ERP44: variants seen among roughly 807,000 people sequenced by gnomAD.
ERP44 encodes endoplasmic reticulum resident protein 44.
A neutral mutation model predicts 53.4 loss-of-function variants in ERP44; 25 were observed. The ratio of observed to expected loss-of-function variants is 0.47; its 90% CI spans 0.34 to 0.65. The LOEUF (loss-of-function observed/expected upper bound fraction) is 0.65, where lower values mean the gene tolerates loss of function less well. ERP44 is among the 30% of genes least tolerant of loss of function. The pLI is 0.01. For synonymous variants in ERP44, 145 were observed against 161.2 expected (o/e 0.90, Z 0.76); for missense variants, 338 against 493.2 (o/e 0.69, Z 2.98).
chr9:100,089,690 G>A (rs767379374), intron 1 of ERP44, among the ~76,000 whole-genome samples: 2 of 151,428 alleles, frequency 1.3e-5, no homozygotes, highest in Non-Finnish European at 2.9e-5. Context: ...TAAATCATAC[G>A]CTGAGGTGGC....
chr9:100,078,906 G>A (rs1054206296), intron 1 of ERP44, among the ~76,000 whole-genome samples: 9 of 152,176 alleles, frequency 5.9e-5, no homozygotes, highest in African/African-American at 2.2e-4. Flanking sequence ...CAGGTTGTGC[G>A]AAGGATAGTT....
At chr9:100,064,707 T>G (rs979673884) in intron 1 of ERP44, among the ~76,000 whole-genome samples, 1 of 152,212 alleles carries the variant, frequency 6.6e-6, no homozygotes, top group Non-Finnish European at 1.5e-5. Context: ...AGTGGTCCCA[T>G]AAGATTATAA....
At chr9:100,060,209 C>A (rs773966115) in intron 1 of ERP44, 37 bp from the exon 2 acceptor site, 1 of 1,415,014 alleles carries the variant, frequency 7.1e-7, no homozygotes, top group Non-Finnish European at 9.2e-7. Flanking sequence ...ATAAATGTGT[C>A]CACAAAAGAC....
intron 7 of ERP44, among the ~76,000 whole-genome samples, chr9:100,017,056 T>C (rs894443319): frequency 2.6e-5 from 4 of 152,214 alleles, no homozygotes; most frequent in African/African-American, 9.6e-5. Flanking sequence ...CCTTGAAACA[T>C]ACAAGATGCT....
intron 3 of ERP44, 88 bp downstream of exon 3, chr9:100,057,732 A>C (rs1826100004): frequency 1.1e-6 from 1 of 946,002 alleles, no homozygotes; most frequent in Non-Finnish European, 1.7e-6. Flanking sequence ...TTGAAATAGA[A>C]AAAGCCTTCC....
Position 99,980,013 on chromosome 9 carries a change from C to T in ERP44, c.*2599G>A, listed in dbSNP as rs1830131900. On this transcript the variant is annotated 3_prime_UTR_variant, in exon 12 of 12. Transcript: ENST00000262455. ...AACCCCAAATGCCTTACTAAAAGAA[C>T]TTTTTTCTCTAATGCATTAGGCTGT... 1 of 398,542 alleles carries T rather than the reference C, an allele frequency of 2.5e-6. No homozygotes were observed. Among genetic ancestry groups the T allele is most frequent in the African/African-American group, 2.1e-5 (1 of 48,748 alleles). 24.7% of individuals were successfully genotyped at this position (398,542 alleles called of 1,614,324 possible). A position where few individuals can be genotyped will look rare whatever the true frequency, so the allele number is the denominator to read the frequency against.
intron 1 of ERP44, among the ~76,000 whole-genome samples, chr9:100,083,793 T>C (rs531453285): frequency 6.6e-6 from 1 of 152,298 alleles, no homozygotes; most frequent in African/African-American, 2.4e-5. Flanking sequence ...TCTATAGAGA[T>C]GCAAAAGTGA....
chr9:100,018,260 G>A lies in ERP44; in HGVS notation c.641C>T (p.Pro214Leu), dbSNP rs753168288. The change falls in exon 7 of 12, where the codon CCA becomes CTA. Residue 214 changes from proline to leucine, a missense_variant. Transcript: ENST00000262455. ...CATTAAGAAATAGCAACTTACCCCTGGTGGTTTGTAGATTATGTTGTCGCC... is the reference window on the plus strand; with the variant it reads ...CATTAAGAAATAGCAACTTACCCCTAGTGGTTTGTAGATTATGTTGTCGCC... ...YSGDNIIYKP[P>L]GHSAPDMVYL... The A allele has an allele frequency of 8.8e-6, 14 of 1,592,576 alleles. No individual in the cohort carries two copies. Among genetic ancestry groups the A allele is most frequent in the Non-Finnish European group, 1.2e-5 (14 of 1,160,632 alleles).
chr9:100,043,642 C>G (rs368592767), intron 4 of ERP44, among the ~76,000 whole-genome samples: 1 of 151,984 alleles, frequency 6.6e-6, no homozygotes, highest in African/African-American at 2.4e-5. Context: ...GTAATCCCAG[C>G]TACTCAAGTG....
chr9:100,069,992 G>C (rs1003641921), intron 1 of ERP44, among the ~76,000 whole-genome samples: 48 of 152,286 alleles, frequency 3.2e-4, no homozygotes, highest in African/African-American at 9.9e-4. Flanking sequence ...GTTATAAAAA[G>C]TTTTTCAGAG....
At chr9:100,052,266 C>T (rs534226032) in intron 4 of ERP44, 151 bp downstream of exon 4, 1 of 414,818 alleles carries the variant, frequency 2.4e-6, no homozygotes. Flanking sequence ...GTCACTAGAA[C>T]CTTTTCGGTT....
intron 1 of ERP44, among the ~76,000 whole-genome samples, chr9:100,085,292 A>G (rs1423010620): frequency 2.0e-5 from 3 of 152,160 alleles, no homozygotes; most frequent in Non-Finnish European, 4.4e-5. Flanking sequence ...AAGACCATAT[A>G]ATGAACTTTT....
intron 4 of ERP44, among the ~76,000 whole-genome samples, chr9:100,028,286 AG>A (rs1206865610): frequency 2.0e-5 from 3 of 152,202 alleles, no homozygotes; most frequent in Non-Finnish European, 4.4e-5. Flanking sequence ...AGTGCCATAC[AG>A]CCTAAGGCCA....
chr9:100,083,910 C>A (rs143968985), intron 1 of ERP44, among the ~76,000 whole-genome samples: 1 of 152,134 alleles, frequency 6.6e-6, no homozygotes, highest in Admixed American at 6.6e-5. Flanking sequence ...TATCTCCTTA[C>A]GGTCTTCTGT....
chr9:100,075,438 T>C (rs1351792946), intron 1 of ERP44, among the ~76,000 whole-genome samples: 2 of 152,200 alleles, frequency 1.3e-5, no homozygotes, highest in Non-Finnish European at 2.9e-5. Context: ...ATATCAACTC[T>C]CCAGCTCTGT....
intron 7 of ERP44, 47 bp downstream of exon 7, chr9:100,018,208 GT>G: frequency 9.2e-7 from 1 of 1,091,660 alleles, no homozygotes; most frequent in Admixed American, 1.7e-5. Flanking sequence ...TCTTACGCAT[GT>G]ATTTAAATTA....
At chr9:100,024,335 TAAA>T (rs34537356) in intron 4 of ERP44, among the ~76,000 whole-genome samples, 2 of 135,080 alleles carry the variant, frequency 1.5e-5, no homozygotes, top group Admixed American at 7.1e-5. Context: ...CAAGACAAGT[TAAA>T]AAAAAAAAAA....
intron 10 of ERP44, among the ~76,000 whole-genome samples, chr9:100,003,149 A>T (rs995492277): frequency 2.0e-5 from 3 of 152,188 alleles, no homozygotes; most frequent in Non-Finnish European, 4.4e-5. Flanking sequence ...AGAAATATAT[A>T]ATTTCAATCT....
At chr9:100,050,938 G>T (rs146083680) in intron 4 of ERP44, among the ~76,000 whole-genome samples, 31 of 152,306 alleles carry the variant, frequency 2.0e-4, no homozygotes, top group African/African-American at 7.2e-4. Context: ...GTAAAAGTAG[G>T]AAGTCTTATC....
Sources: allele counts gnomAD v4.1 joint callset (sites outside exome capture counted in the v4.1 genomes callset), GRCh38; gene constraint gnomAD v4.1.1; transcripts MANE v1.5; gene names NCBI Gene and HGNC (gene_info 2026-07-23, HGNC 2026-07-21).